EIF4G3: variants seen among roughly 807,000 people sequenced by gnomAD.
EIF4G3 encodes the protein eukaryotic translation initiation factor 4 gamma 3, also known as eIF-4-gamma 3.
In EIF4G3, 34 loss-of-function variants were observed where a neutral mutation model predicts 186.4. The ratio of observed to expected loss-of-function variants is 0.18; its 90% confidence interval spans 0.14 to 0.24. The LOEUF is 0.24. EIF4G3 is among the 10% of genes least tolerant of loss of function. The pLI is 1.00. For synonymous variants in EIF4G3, 673 were observed against 679.5 expected (o/e 0.99, Z 0.15); for missense variants, 1,536 against 1,948.5 (o/e 0.79, Z 3.99).
chr1:20,914,681 C>T (rs1211571372), intron 14 of EIF4G3, among the ~76,000 whole-genome samples: 2 of 152,146 alleles, frequency 1.3e-5, no homozygotes, highest in Admixed American at 1.3e-4. Context: ...CATTTTCATT[C>T]GGTTCAAAAT....
At chr1:20,951,628 T>C (rs973601738) in intron 12 of EIF4G3, among the ~76,000 whole-genome samples, 2 of 152,100 alleles carry the variant, frequency 1.3e-5, no homozygotes, top group African/African-American at 4.8e-5. Context: ...CCATGTTATT[T>C]AGCATTCATT....
chr1:20,981,297 C>A, intron 8 of EIF4G3, 70 bp from the exon 9 acceptor site: 1 of 991,428 alleles, frequency 1.0e-6, no homozygotes, highest in South Asian at 2.5e-5. Flanking sequence ...TTTACTGTCT[C>A]CTTTTCTTCA....
chr1:21,162,907 TAAA>T (rs1045853525), intron 2 of EIF4G3, among the ~76,000 whole-genome samples: 2 of 152,132 alleles, frequency 1.3e-5, no homozygotes, highest in African/African-American at 4.8e-5. Context: ...AGACCTCAAA[TAAA>T]TTTGAGTTGG....
intron 2 of EIF4G3, among the ~76,000 whole-genome samples, chr1:21,124,409 C>T (rs915801861): frequency 6.6e-6 from 1 of 152,136 alleles, no homozygotes; most frequent in Non-Finnish European, 1.5e-5. Context: ...CTTACATGGG[C>T]ACTACTGGCT....
rs187099084 is a variant in EIF4G3, at chr1:21,164,597, G to A, written c.-272+11578C>T. 1.3e-4 allele frequency among the ~76,000 whole-genome samples: 20 copies of A among 152,124 alleles called. No homozygotes were observed. In the East Asian group the frequency reaches 2.3e-3, roughly 18 times the overall value. ...AAAAACTAGGCAGGAGTGGTGGCTC[G>A]CACCTATAATCCCGCATTTTGGAAG... On this transcript the variant is annotated intron_variant, in intron 2 of 36. Coordinates refer to ENST00000602326, the MANE Select transcript of EIF4G3 (RefSeq NM_001391906.1).
chr1:21,026,804 G>A (rs1200295315), intron 4 of EIF4G3, among the ~76,000 whole-genome samples: 1 of 151,814 alleles, frequency 6.6e-6, no homozygotes, highest in African/African-American at 2.4e-5. Flanking sequence ...ACAAAAATGA[G>A]CCAGGAATGG....
intron 4 of EIF4G3, among the ~76,000 whole-genome samples, chr1:21,013,759 C>A (rs1384534081): frequency 6.6e-6 from 1 of 152,192 alleles, no homozygotes; most frequent in Non-Finnish European, 1.5e-5. Context: ...AAAAGGTCAA[C>A]AAGACCTTAA....
chr1:21,021,980 A>C (rs1044716297), intron 4 of EIF4G3, among the ~76,000 whole-genome samples: 1 of 152,226 alleles, frequency 6.6e-6, no homozygotes, highest in Non-Finnish European at 1.5e-5. Context: ...AAAATCCAGC[A>C]AATACGTAAA....
intron 4 of EIF4G3, among the ~76,000 whole-genome samples, chr1:21,050,536 A>T (rs2094148576): frequency 6.6e-6 from 1 of 152,234 alleles, no homozygotes; most frequent in Non-Finnish European, 1.5e-5. Flanking sequence ...AAGGGGTGCG[A>T]GACGGTAGCA....
At chr1:21,016,409 G>A (rs1175363825) in intron 4 of EIF4G3, among the ~76,000 whole-genome samples, 1 of 152,166 alleles carries the variant, frequency 6.6e-6, no homozygotes, top group Admixed American at 6.5e-5. Flanking sequence ...CTTGTGGCCA[G>A]GTGTGGTGGC....
intron 3 of EIF4G3, among the ~76,000 whole-genome samples, chr1:21,057,528 T>C (rs929151834): frequency 6.6e-6 from 1 of 152,182 alleles, no homozygotes; most frequent in African/African-American, 2.4e-5. Context: ...AAAAGGCAGA[T>C]AGTATTATTT....
At chr1:21,111,534 T>G (rs966372821) in intron 2 of EIF4G3, 14 of 326,722 alleles carry the variant, frequency 4.3e-5, no homozygotes, top group Non-Finnish European at 6.8e-5. Flanking sequence ...CTCTCCCAGA[T>G]TCCTAATTAA....
At chr1:21,072,806 G>A (rs747713271) in intron 3 of EIF4G3, among the ~76,000 whole-genome samples, 4 of 152,186 alleles carry the variant, frequency 2.6e-5, no homozygotes, top group Non-Finnish European at 5.9e-5. Flanking sequence ...TCAAATAAAC[G>A]GTATGAATAG....
At chr1:21,026,908 GC>G (rs1169256902) in intron 4 of EIF4G3, among the ~76,000 whole-genome samples, 1 of 142,960 alleles carries the variant, frequency 7.0e-6, no homozygotes, top group East Asian at 2.1e-4. Flanking sequence ...CTGCACTCCA[GC>G]CTGCGTGACA....
intron 13 of EIF4G3, among the ~76,000 whole-genome samples, chr1:20,948,521 CAG>C (rs765268775): frequency 3.3e-5 from 5 of 152,066 alleles, no homozygotes; most frequent in East Asian, 1.9e-4. Flanking sequence ...TCTCAATACT[CAG>C]GGGGAAAATG....
intron 3 of EIF4G3, among the ~76,000 whole-genome samples, chr1:21,071,519 C>A (rs1284762851): frequency 6.6e-6 from 1 of 152,168 alleles, no homozygotes; most frequent in African/African-American, 2.4e-5. Context: ...CTACTACCAT[C>A]TGCAAAAACT....
At chr1:20,954,557 A>AAAG (rs1558418338) in intron 12 of EIF4G3, among the ~76,000 whole-genome samples, 1 of 150,836 alleles carries the variant, frequency 6.6e-6, no homozygotes, top group Non-Finnish European at 1.5e-5. Flanking sequence ...AAAAAAAAAA[A>AAAG]AAGAAGCAAA....
chr1:20,904,451 T>C (rs1004324582), intron 15 of EIF4G3, among the ~76,000 whole-genome samples: 1 of 152,120 alleles, frequency 6.6e-6, no homozygotes, highest in African/African-American at 2.4e-5. Context: ...GCTCAAGCAA[T>C]CCTCCCACCT....
At chr1:20,939,991 A>G (rs1349285922) in intron 14 of EIF4G3, among the ~76,000 whole-genome samples, 1 of 151,212 alleles carries the variant, frequency 6.6e-6, no homozygotes, top group African/African-American at 2.4e-5. Context: ...AGTAGCTGGG[A>G]CTACAGGCCC....
Sources: gnomAD v4.1 joint callset for allele counts (sites outside exome capture counted in the v4.1 genomes callset) on GRCh38, gnomAD v4.1.1 for gene constraint, MANE v1.5 for transcripts, NCBI Gene and HGNC (gene_info 2026-07-23, HGNC 2026-07-21) for gene names.